EPHA5: variants seen among roughly 807,000 people sequenced by gnomAD.
EPHA5 encodes ephrin type-A receptor 5.
A neutral mutation model predicts 105.0 loss-of-function variants in EPHA5; 60 were observed. The observed-to-expected ratio is 0.57, with a 90% CI of 0.46 to 0.71. EPHA5 has a LOEUF of 0.71. EPHA5 is among the 30% of genes least tolerant of loss of function. The pLI is 0.00. For missense variants in EPHA5, 1,218 were observed against 1,274.7 expected, an observed-to-expected ratio of 0.96 and a Z score of 0.68; for synonymous variants, 513 against 449.1, an observed-to-expected ratio of 1.14 and a Z score of -1.80.
chr4:65,523,271 T>C lies in EPHA5; in HGVS notation c.911-27728A>G, dbSNP rs556869628. Among the ~76,000 whole-genome samples the C allele has an allele frequency of 5.9e-5, 9 of 152,078 alleles. No homozygotes were observed. In the East Asian group the frequency reaches 1.7e-3, roughly 29 times the overall value. The stretch of plus-strand genomic sequence containing the variant: ...ATCACATAAAACAACTTTGAGTGTT[T>C]TTCCTTTGCTCCGTGCTTCTTTAAG... On this transcript the variant is annotated intron_variant, in intron 3 of 16. Coordinates refer to ENST00000613740, the MANE Select transcript of EPHA5 (RefSeq NM_001281766.3).
chr4:65,402,694 A>C (rs1394178659), intron 8 of EPHA5, among the ~76,000 whole-genome samples: 1 of 152,182 alleles, frequency 6.6e-6, no homozygotes, highest in Non-Finnish European at 1.5e-5. Context: ...TTTATTAGAA[A>C]GGAAATCACT....
chr4:65,552,482 G>C (rs1738014903), intron 3 of EPHA5, among the ~76,000 whole-genome samples: 1 of 152,076 alleles, frequency 6.6e-6, no homozygotes, highest in Admixed American at 6.6e-5. Context: ...ATTAGATTTT[G>C]CTACGCTTGA....
chr4:65,494,597 T>C (rs1731732828), intron 4 of EPHA5, among the ~76,000 whole-genome samples: 2 of 152,128 alleles, frequency 1.3e-5, no homozygotes, highest in Admixed American at 1.3e-4. Flanking sequence ...GAAAACCAAA[T>C]ATACGGAAAA....
intron 3 of EPHA5, among the ~76,000 whole-genome samples, chr4:65,530,493 T>A (rs1042593825): frequency 1.3e-5 from 2 of 152,036 alleles, no homozygotes; most frequent in African/African-American, 4.8e-5. Flanking sequence ...AATAATATGG[T>A]CAACAGAGAA....
chr4:65,601,311 A>G (rs1023416191), intron 3 of EPHA5, among the ~76,000 whole-genome samples: 1 of 152,222 alleles, frequency 6.6e-6, no homozygotes, highest in Non-Finnish European at 1.5e-5. Flanking sequence ...TAGATGTAGC[A>G]GACAATAATT....
rs145609032 is a variant in EPHA5 at position 65,613,792 on chromosome 4, C to A, written c.247-11488G>T. Among the ~76,000 whole-genome samples the A allele has an allele frequency of 1.3e-3, 197 of 152,048 alleles. 2 individuals carry two copies. The highest frequency in any genetic ancestry group is 4.4e-3 in the African/African-American group (183 of 41,540). ...AAGTTTAAAATGTTTAGTGATAGCT[C>A]TCCAATGACAATTCTAAATATTTAG... On this transcript the variant is annotated intron_variant, in intron 2 of 16. Coordinates refer to ENST00000613740, the MANE Select transcript of EPHA5 (RefSeq NM_001281766.3).
At chr4:65,495,691 A>G (rs567389675) in intron 3 of EPHA5, 148 bp from the exon 4 acceptor site, 3 of 583,480 alleles carry the variant, frequency 5.1e-6, no homozygotes, top group Non-Finnish European at 8.7e-6. Flanking sequence ...AAGCTTCTGG[A>G]TCATAAATAC....
At chr4:65,477,101 G>A (rs768898065) in intron 5 of EPHA5, among the ~76,000 whole-genome samples, 14 of 152,092 alleles carry the variant, frequency 9.2e-5, no homozygotes, top group Non-Finnish European at 4.4e-5. Flanking sequence ...AAAGATTCCA[G>A]AAAAATAGAC....
At chr4:65,569,444 A>T (rs1184565695) in intron 3 of EPHA5, among the ~76,000 whole-genome samples, 2 of 151,790 alleles carry the variant, frequency 1.3e-5, no homozygotes, top group African/African-American at 4.8e-5. Flanking sequence ...ATAGAATAAC[A>T]CATATATTTT....
chr4:65,433,446 T>C (rs1008637548), intron 5 of EPHA5, among the ~76,000 whole-genome samples: 14 of 152,194 alleles, frequency 9.2e-5, no homozygotes, highest in Admixed American at 7.9e-4. Flanking sequence ...AGAACATGCA[T>C]AGTTAAAATG....
At chr4:65,376,494 A>C (rs1577956786) in intron 8 of EPHA5, among the ~76,000 whole-genome samples, 2 of 152,072 alleles carry the variant, frequency 1.3e-5, no homozygotes, top group East Asian at 3.9e-4. Context: ...GTCATAATTC[A>C]AGCTTAATGA....
intron 6 of EPHA5, among the ~76,000 whole-genome samples, chr4:65,420,189 A>G (rs1322847184): frequency 6.6e-6 from 1 of 152,074 alleles, no homozygotes; most frequent in Non-Finnish European, 1.5e-5. Context: ...TCATCTTTTA[A>G]TGCTGTGCAA....
chr4:65,333,398 CT>C (rs1337413997), intron 15 of EPHA5, among the ~76,000 whole-genome samples: 1 of 151,550 alleles, frequency 6.6e-6, no homozygotes, highest in Non-Finnish European at 1.5e-5. Context: ...TCTGTGAGCA[CT>C]TTTCAAACTA....
intron 14 of EPHA5, among the ~76,000 whole-genome samples, chr4:65,338,388 A>G (rs1721384717): frequency 6.6e-6 from 1 of 152,100 alleles, no homozygotes; most frequent in Non-Finnish European, 1.5e-5. Flanking sequence ...AGTAATTCTT[A>G]TTTATTCAAA....
chr4:65,413,019 T>C (rs1417979376), intron 7 of EPHA5, among the ~76,000 whole-genome samples: 1 of 152,166 alleles, frequency 6.6e-6, no homozygotes, highest in Non-Finnish European at 1.5e-5. Context: ...TAATTGTACC[T>C]AAATAGAATC....
chr4:65,437,178 C>T (rs1248427731), intron 5 of EPHA5, among the ~76,000 whole-genome samples: 6 of 151,986 alleles, frequency 3.9e-5, no homozygotes, highest in South Asian at 4.1e-4. Context: ...ACTTTACCTA[C>T]GTGTAACAAA....
At chr4:65,548,814 C>G (rs1039613044) in intron 3 of EPHA5, among the ~76,000 whole-genome samples, 3 of 152,076 alleles carry the variant, frequency 2.0e-5, no homozygotes, top group Non-Finnish European at 4.4e-5. Flanking sequence ...TCCCTAAACT[C>G]AAGGTCTCTC....
intron 5 of EPHA5, among the ~76,000 whole-genome samples, chr4:65,422,824 G>A (rs528321926): frequency 6.6e-6 from 1 of 151,962 alleles, no homozygotes; most frequent in South Asian, 2.1e-4. Context: ...TATTTTTATA[G>A]AAAAATAAGA....
intron 2 of EPHA5, among the ~76,000 whole-genome samples, chr4:65,641,375 C>T (rs754937073): frequency 1.3e-4 from 20 of 152,034 alleles, no homozygotes; most frequent in Non-Finnish European, 1.9e-4. Flanking sequence ...ACAATTGACT[C>T]GAACATTTTT....
Sources: gnomAD v4.1 joint callset for allele counts (sites outside exome capture counted in the v4.1 genomes callset) on GRCh38, gnomAD v4.1.1 for gene constraint, MANE v1.5 for transcripts, NCBI Gene and HGNC (gene_info 2026-07-23, HGNC 2026-07-21) for gene names.